Variants in RPS6KA2 observed in about 807,000 individuals in gnomAD.
RPS6KA2 encodes the protein ribosomal protein S6 kinase A2.
A neutral mutation model predicts 91.8 loss-of-function variants in RPS6KA2; 42 were observed. The ratio of observed to expected loss-of-function variants is 0.46; its 90% confidence interval spans 0.36 to 0.59. The LOEUF (loss-of-function observed/expected upper bound fraction) is 0.59, where lower values mean the gene tolerates loss of function less well. Among genes scored for constraint, RPS6KA2 ranks in the 20% least tolerant of loss-of-function variants. RPS6KA2 has a pLI of 0.00. For synonymous variants in RPS6KA2, 414 were observed against 393.6 expected, an observed-to-expected ratio of 1.05 and a Z score of -0.61; for missense variants, 798 against 978.5, an observed-to-expected ratio of 0.82 and a Z score of 2.46.
chr6:166,800,557 G>C (rs1448060471), intron 2 of RPS6KA2, among the ~76,000 whole-genome samples: 1 of 152,192 alleles, frequency 6.6e-6, no homozygotes, highest in African/African-American at 2.4e-5. Context: ...ACAGCACTTA[G>C]CCCCTCTGGA....
At chr6:166,641,013 C>T (rs1787415692) in intron 2 of RPS6KA2, among the ~76,000 whole-genome samples, 2 of 152,148 alleles carry the variant, frequency 1.3e-5, no homozygotes, top group Admixed American at 6.5e-5. Flanking sequence ...GCTAGTATGG[C>T]CTGAAAAACT....
At chr6:166,568,851 A>T (rs1298574438) in intron 1 of RPS6KA2, among the ~76,000 whole-genome samples, 2 of 152,182 alleles carry the variant, frequency 1.3e-5, no homozygotes, top group Non-Finnish European at 2.9e-5. Context: ...CAAACATGCA[A>T]ATCACAAGTG....
chr6:166,718,776 G>T (rs969379580), intron 2 of RPS6KA2, among the ~76,000 whole-genome samples: 35 of 152,332 alleles, frequency 2.3e-4, no homozygotes, highest in African/African-American at 8.2e-4. Context: ...GATCGGTTAT[G>T]TCTCAATAAC....
chr6:166,812,056 G>C (rs974391995), intron 2 of RPS6KA2, among the ~76,000 whole-genome samples: 11 of 152,272 alleles, frequency 7.2e-5, no homozygotes, highest in South Asian at 2.1e-4. Flanking sequence ...TGGAAAACGA[G>C]TGGATGAAAG....
In RPS6KA2 at chr6:166,555,887, A is replaced by G. The variant is rs201756420; in HGVS notation, c.100-17103T>C. On this transcript the variant is annotated intron_variant, in intron 1 of 20. Coordinates refer to ENST00000265678, the MANE Select transcript of RPS6KA2 (RefSeq NM_021135.6). ...GCAGACTGTGGGGAAAAGGAAGGAG[A>G]CTAGAGGATGCTGCTCTAGGAAGGA... 5.9e-5 allele frequency among the ~76,000 whole-genome samples: 9 copies of G among 152,114 alleles called. No homozygotes were observed. The East Asian group carries it at 1.5e-3, about 26-fold the overall frequency.
intron 3 of RPS6KA2, among the ~76,000 whole-genome samples, chr6:166,513,561 A>G (rs1782541932): frequency 6.6e-6 from 1 of 152,234 alleles, no homozygotes; most frequent in Non-Finnish European, 1.5e-5. Flanking sequence ...TGGAGGAAGG[A>G]GACCCCTGCC....
chr6:166,489,032 C>A, intron 9 of RPS6KA2, 111 bp from the exon 10 acceptor site: 4 of 850,232 alleles, frequency 4.7e-6, no homozygotes, highest in East Asian at 2.7e-5. Context: ...CAGAGCAGCC[C>A]GTGCTCTACC....
At chr6:166,421,467 C>T (rs1583109773) in intron 17 of RPS6KA2, among the ~76,000 whole-genome samples, 1 of 152,126 alleles carries the variant, frequency 6.6e-6, no homozygotes, top group Non-Finnish European at 1.5e-5. Context: ...GTACCTACCC[C>T]CAACCAGAGA....
At chr6:166,527,727 G>A (rs1172550571) in intron 3 of RPS6KA2, among the ~76,000 whole-genome samples, 3 of 152,084 alleles carry the variant, frequency 2.0e-5, no homozygotes. Context: ...TCACCCCCCA[G>A]CCTAGGAAAC....
chr6:166,531,386 G>A (rs1783269800), intron 2 of RPS6KA2, 73 bp from the exon 3 acceptor site: 3 of 1,132,542 alleles, frequency 2.6e-6, no homozygotes, highest in Admixed American at 3.5e-5. Flanking sequence ...ATTTGACAAG[G>A]GGATACACAA....
chr6:166,412,602 C>T lies in RPS6KA2; in HGVS notation c.*160G>A. On this transcript the variant is annotated 3_prime_UTR_variant, in exon 21 of 21. Transcript: ENST00000265678. The surrounding 1 kb of genome is among the most constrained non-coding windows in gnomAD (Gnocchi z 4.3). ...GCTTGGAGAAGCCCCCAGGTCAGGA[C>T]CCTCTCCGGGGCTGAAAAAGAAAAC... 1.4e-6 allele frequency: 1 copy of T among 691,678 alleles called. No individual in the cohort carries two copies. The highest frequency in any genetic ancestry group is 2.3e-6 in the Non-Finnish European group (1 of 435,992). 42.8% of individuals were successfully genotyped at this position (691,678 alleles called of 1,614,324 possible). A position where few individuals can be genotyped will look rare whatever the true frequency, so the allele number is the denominator to read the frequency against.
intron 3 of RPS6KA2, among the ~76,000 whole-genome samples, chr6:166,530,519 T>A (rs966371974): frequency 2.0e-5 from 3 of 152,140 alleles, no homozygotes; most frequent in Non-Finnish European, 4.4e-5. Flanking sequence ...GGGGGTCAGT[T>A]TATGTAACTA....
chr6:166,619,093 C>T (rs1038607603), intron 1 of RPS6KA2, among the ~76,000 whole-genome samples: 4 of 152,176 alleles, frequency 2.6e-5, no homozygotes, highest in African/African-American at 7.2e-5. Flanking sequence ...GGGCTCCCAT[C>T]GATGCCATCA....
intron 2 of RPS6KA2, among the ~76,000 whole-genome samples, chr6:166,714,841 C>G (rs1160681435): frequency 6.6e-6 from 1 of 152,218 alleles, no homozygotes; most frequent in Non-Finnish European, 1.5e-5. Flanking sequence ...CCCCAGGACA[C>G]CAATACCAGG....
At chr6:166,466,349 A>G (rs368603750) in intron 11 of RPS6KA2, among the ~76,000 whole-genome samples, 2 of 152,210 alleles carry the variant, frequency 1.3e-5, no homozygotes, top group South Asian at 4.1e-4. Flanking sequence ...TAGTTTTCCA[A>G]ATCCATCGTA....
rs372859924 is a variant in RPS6KA2, at chr6:166,849,144, G to A, written c.123+9056C>T. Reference sequence around the variant, plus strand: ...AGCCCAGCTGAGGCTTCCTTGGTCCGGCCATGCCAGGGTCTGTCTGTCTGT... The same window carrying A: ...AGCCCAGCTGAGGCTTCCTTGGTCCAGCCATGCCAGGGTCTGTCTGTCTGT... On this transcript the variant is annotated intron_variant, in intron 2 of 21. Coordinates refer to the RPS6KA2 transcript ENST00000503859. The surrounding 1 kb of genome is among the most constrained non-coding windows in gnomAD (Gnocchi z 4.9). Among the ~76,000 whole-genome samples, 9 of 151,608 alleles carry A rather than the reference G, an allele frequency of 5.9e-5. No individual in the cohort carries two copies. The highest frequency in any genetic ancestry group is 2.0e-4 in the Admixed American group (3 of 15,220).
At chr6:166,787,745 A>G (rs1778970401) in intron 2 of RPS6KA2, among the ~76,000 whole-genome samples, 1 of 152,152 alleles carries the variant, frequency 6.6e-6, no homozygotes, top group Admixed American at 6.5e-5. Context: ...AGGCAACACC[A>G]TTCAGGACAT....
At chr6:166,788,954 C>T (rs1159876303) in intron 2 of RPS6KA2, among the ~76,000 whole-genome samples, 1 of 152,218 alleles carries the variant, frequency 6.6e-6, no homozygotes, top group Non-Finnish European at 1.5e-5. Context: ...CAGGTGATTT[C>T]TGCATTTCCA....
chr6:166,685,194 C>A (rs1056726296), intron 2 of RPS6KA2, among the ~76,000 whole-genome samples: 1 of 147,964 alleles, frequency 6.8e-6, no homozygotes, highest in Non-Finnish European at 1.5e-5. Context: ...CCGAGGAAAG[C>A]TCAGGCAGGA....
Sources: allele counts gnomAD v4.1 joint callset (sites outside exome capture counted in the v4.1 genomes callset), GRCh38; gene constraint gnomAD v4.1.1; non-coding constraint Gnocchi (gnomAD v3.1); transcripts MANE v1.5; gene names NCBI Gene and HGNC (gene_info 2026-07-23, HGNC 2026-07-21).